The following LMBR1 variants were observed in gnomAD, a reference collection of about 807,000 sequenced individuals.
LMBR1 encodes limb region 1 protein homolog.
A neutral mutation model predicts 73.9 loss-of-function variants in LMBR1; 52 were observed. That is an observed-to-expected ratio of 0.70 (90% CI 0.56 to 0.89). The LOEUF is 0.89. LMBR1 is among the 40% of genes least tolerant of loss of function. The pLI is 0.00. For synonymous variants in LMBR1, 215 were observed against 209.4 expected, an observed-to-expected ratio of 1.03 and a Z score of -0.23; for missense variants, 539 against 579.8, an observed-to-expected ratio of 0.93 and a Z score of 0.72.
chr7:156,814,021 A>C (rs535366678), intron 4 of LMBR1, among the ~76,000 whole-genome samples: 28 of 152,346 alleles, frequency 1.8e-4, no homozygotes, highest in Admixed American at 1.6e-3. Flanking sequence ...TTCAAAATAA[A>C]TAAAACCTTG....
At chr7:156,760,426 G>A (rs1031477501) in intron 8 of LMBR1, among the ~76,000 whole-genome samples, 11 of 152,134 alleles carry the variant, frequency 7.2e-5, no homozygotes, top group African/African-American at 2.7e-4. Flanking sequence ...TTAGAATTAG[G>A]CATTTAAAAG....
chr7:156,703,144 G>A (rs999334037), intron 15 of LMBR1, among the ~76,000 whole-genome samples: 1 of 152,212 alleles, frequency 6.6e-6, no homozygotes, highest in Admixed American at 6.5e-5. Context: ...CTGCTCCAGG[G>A]TGTGTCCTAT....
chr7:156,837,094 C>T (rs1170438401), intron 1 of LMBR1, among the ~76,000 whole-genome samples: 3 of 151,180 alleles, frequency 2.0e-5, no homozygotes, highest in African/African-American at 4.9e-5. Flanking sequence ...GAGGCCAAGG[C>T]GGGTGGATCA....
Position 156,893,165 on chromosome 7 carries a change from CA to C in LMBR1, c.-173del, listed in dbSNP as rs1241597128. 1 of 523,774 alleles carries C rather than the reference CA, an allele frequency of 1.9e-6. No homozygotes were observed. Among genetic ancestry groups the C allele is most frequent in the African/African-American group, 2.0e-5 (1 of 49,090 alleles). 32.4% of individuals were successfully genotyped at this position (523,774 alleles called of 1,614,324 possible). ...ACACCGGCCGTCGCCTCAGCAGCCT[CA>C]GACGAGCAGCTCTGACTAAGGGAGG... On this transcript the variant is annotated 5_prime_UTR_variant, in exon 1 of 17. Transcript: ENST00000353442.
chr7:156,813,798 C>A (rs1272978816), intron 4 of LMBR1, among the ~76,000 whole-genome samples: 1 of 152,008 alleles, frequency 6.6e-6, no homozygotes, highest in African/African-American at 2.4e-5. Flanking sequence ...TGGTTAAGTT[C>A]CTTTACACTG....
At chr7:156,823,666 T>C (rs1030208596) in intron 4 of LMBR1, 3 of 152,220 alleles carry the variant, frequency 2.0e-5, no homozygotes, top group African/African-American at 4.8e-5. Flanking sequence ...TGAAAACCAC[T>C]AGCTTAATAT....
chr7:156,783,998 G>GT (rs59262090), intron 5 of LMBR1, among the ~76,000 whole-genome samples: 12,094 of 135,796 alleles, frequency 0.089, 1,166 homozygotes, highest in African/African-American at 0.24. Context: ...GTTTTTTTCT[G>GT]TTTTTTTTTT....
intron 3 of LMBR1, among the ~76,000 whole-genome samples, chr7:156,831,269 C>T (rs1339747200): frequency 2.4e-5 from 3 of 124,520 alleles, no homozygotes; most frequent in Non-Finnish European, 3.3e-5. Flanking sequence ...AAGCACCCTA[C>T]CCTAGATTTT....
chr7:156,884,771 A>T (rs144612756), intron 1 of LMBR1, among the ~76,000 whole-genome samples: 13 of 152,344 alleles, frequency 8.5e-5, no homozygotes, highest in Admixed American at 3.3e-4. Flanking sequence ...AGGTCAGAAG[A>T]CTACAGACTC....
At chr7:156,850,125 A>AG (rs765318402) in intron 1 of LMBR1, among the ~76,000 whole-genome samples, 15 of 152,250 alleles carry the variant, frequency 9.9e-5, no homozygotes, top group Admixed American at 2.0e-4. Flanking sequence ...AAAAGTGATC[A>AG]GGTCATGAGG....
intron 4 of LMBR1, among the ~76,000 whole-genome samples, chr7:156,672,249 G>A (rs1000575566): frequency 9.9e-5 from 15 of 152,226 alleles, no homozygotes; most frequent in African/African-American, 2.2e-4. Flanking sequence ...TACTATGGTC[G>A]GTGCGTGTAC....
intron 4 of LMBR1, among the ~76,000 whole-genome samples, chr7:156,824,267 G>A (rs970336648): frequency 2.8e-4 from 42 of 152,164 alleles, no homozygotes; most frequent in African/African-American, 9.9e-4. Context: ...TGGTGTTGCT[G>A]TTGTTCTTAA....
chr7:156,794,310 GAAGT>G (rs369719104), intron 5 of LMBR1, among the ~76,000 whole-genome samples: 161 of 152,288 alleles, frequency 1.1e-3, no homozygotes, highest in East Asian at 3.5e-3. Context: ...TAAAATAGAG[GAAGT>G]AAGTGCTGTA....
chr7:156,813,215 C>T (rs1409132730), intron 4 of LMBR1, among the ~76,000 whole-genome samples: 1 of 152,190 alleles, frequency 6.6e-6, no homozygotes, highest in Non-Finnish European at 1.5e-5. Context: ...AGGCTCACCA[C>T]ACCTGGCCTA....
chr7:156,685,611 G>A lies in LMBR1; in HGVS notation c.1388-1448C>T, dbSNP rs1017999045. Among the ~76,000 whole-genome samples the A allele has an allele frequency of 6.6e-6, 1 of 152,216 alleles. No individual in the cohort carries two copies. The highest frequency in any genetic ancestry group is 6.5e-5 in the Admixed American group (1 of 15,282). The stretch of plus-strand genomic sequence containing the variant: ...CTAGAAAAGCTGATGCGTGGCGCCA[G>A]GACATTACAACAGCCGCCACGCCAC... On this transcript the variant is annotated intron_variant, in intron 16 of 16. Transcript: ENST00000353442. The surrounding 1 kb of genome is among the most constrained non-coding windows in gnomAD (Gnocchi z 4.1).
At chr7:156,708,900 C>T (rs1811529603) in intron 15 of LMBR1, among the ~76,000 whole-genome samples, 1 of 152,090 alleles carries the variant, frequency 6.6e-6, no homozygotes, top group South Asian at 2.1e-4. Context: ...CTGGCTCTCC[C>T]CAACTTCCCT....
intron 3 of LMBR1, among the ~76,000 whole-genome samples, chr7:156,831,275 A>ATTTTTTT (rs10633275): frequency 0.019 from 2,369 of 127,748 alleles, 79 homozygotes; most frequent in African/African-American, 0.06. Context: ...CCTACCCTAG[A>ATTTTTTT]TTTTTTTTTT....
In LMBR1 at chr7:156,669,822, A is replaced by G. The variant is rs1233938970; in HGVS notation, n.867-535T>C. ...GCCCATGGAGGGGAGGCTCAAAATAACCAGATGAGACGTGCAGTTGGGCCT... is the reference window on the plus strand; with the variant it reads ...GCCCATGGAGGGGAGGCTCAAAATAGCCAGATGAGACGTGCAGTTGGGCCT... On this transcript the variant is annotated intron_variant and non_coding_transcript_variant, in intron 4 of 4. Transcript: ENST00000430825. This position sits in a 1 kb window ranked among gnomAD's most constrained non-coding sequence, Gnocchi z 4.2. Among the ~76,000 whole-genome samples the G allele has an allele frequency of 6.6e-6, 1 of 152,106 alleles. No individual in the cohort carries two copies. The highest frequency in any genetic ancestry group is 1.5e-5 in the Non-Finnish European group (1 of 68,018).
At chr7:156,756,311 A>G in intron 9 of LMBR1, 82 bp downstream of exon 9, 8 of 735,202 alleles carry the variant, frequency 1.1e-5, no homozygotes, top group South Asian at 1.1e-4. Flanking sequence ...AGAGAGGTTT[A>G]TATTTTTTCT....
Sources: allele counts gnomAD v4.1 joint callset (sites outside exome capture counted in the v4.1 genomes callset), GRCh38; gene constraint gnomAD v4.1.1; non-coding constraint Gnocchi (gnomAD v3.1); transcripts MANE v1.5; gene names NCBI Gene and HGNC (gene_info 2026-07-23, HGNC 2026-07-21).